Variants in CDH20 observed in about 807,000 individuals in gnomAD.
The protein encoded by CDH20 is cadherin-20.
CDH20 carries 29 observed loss-of-function variants against 74.2 expected under a neutral mutation model. The observed-to-expected ratio is 0.39, with a 90% CI of 0.29 to 0.53. CDH20 has a LOEUF of 0.53. Ranked by LOEUF, CDH20 falls within the 20% of genes least tolerant of loss-of-function variation. The probability of loss-of-function intolerance (pLI) is 0.69; values close to 1 mark genes in which losing one functional copy is unlikely to be tolerated. For synonymous variants in CDH20, 469 were observed against 405.4 expected (o/e 1.16, Z -1.88); for missense variants, 988 against 1,048.3 (o/e 0.94, Z 0.79).
chr18:61,422,701 C>T (rs959565189), intron 1 of CDH20, among the ~76,000 whole-genome samples: 1 of 151,468 alleles, frequency 6.6e-6, no homozygotes, highest in Admixed American at 6.6e-5. Context: ...AAAAATTACT[C>T]ACAGTATACA....
chr18:61,432,078 C>G (rs1273299639), intron 1 of CDH20, among the ~76,000 whole-genome samples: 8 of 151,792 alleles, frequency 5.3e-5, no homozygotes, highest in African/African-American at 1.9e-4. Flanking sequence ...AACCCCATCT[C>G]TACTAAAAAT....
chr18:61,431,501 T>C (rs890989669), intron 1 of CDH20, among the ~76,000 whole-genome samples: 2 of 152,196 alleles, frequency 1.3e-5, no homozygotes, highest in African/African-American at 2.4e-5. Flanking sequence ...ATTTGTTCAT[T>C]GGTTCTAATG....
chr18:61,475,704 G>C (rs1910351622), intron 1 of CDH20, among the ~76,000 whole-genome samples: 1 of 152,154 alleles, frequency 6.6e-6, no homozygotes, highest in Non-Finnish European at 1.5e-5. Flanking sequence ...TTGCACTAAA[G>C]TGGAAAATGA....
chr18:61,338,486 T>C (rs1025733555), intron 1 of CDH20, among the ~76,000 whole-genome samples: 1 of 152,132 alleles, frequency 6.6e-6, no homozygotes, highest in African/African-American at 2.4e-5. Context: ...AAAATAGAAA[T>C]GATCCAATTC....
chr18:61,496,973 A>G (rs1911188196), intron 2 of CDH20, among the ~76,000 whole-genome samples: 1 of 152,092 alleles, frequency 6.6e-6, no homozygotes, highest in African/African-American at 2.4e-5. Flanking sequence ...CACAGGTCCA[A>G]ATGGAATAGA....
intron 7 of CDH20, among the ~76,000 whole-genome samples, chr18:61,534,055 C>A (rs1040962039): frequency 5.3e-5 from 8 of 151,818 alleles, no homozygotes; most frequent in African/African-American, 1.9e-4. Flanking sequence ...GACAAATGAC[C>A]CTGTTAAAAA....
intron 1 of CDH20, among the ~76,000 whole-genome samples, chr18:61,456,419 T>G (rs1465717842): frequency 6.6e-6 from 1 of 152,168 alleles, no homozygotes; most frequent in Non-Finnish European, 1.5e-5. Context: ...ATTTGGCAGT[T>G]AAAACCTACA....
At chr18:61,485,582 A>G (rs899205466) in intron 1 of CDH20, among the ~76,000 whole-genome samples, 1 of 152,180 alleles carries the variant, frequency 6.6e-6, no homozygotes, top group African/African-American at 2.4e-5. Context: ...TCTGTAGTAA[A>G]TGAAAATTAA....
chr18:61,445,323 T>C (rs1201618734), intron 1 of CDH20, among the ~76,000 whole-genome samples: 1 of 152,006 alleles, frequency 6.6e-6, no homozygotes, highest in East Asian at 1.9e-4. Context: ...AATCCACAAA[T>C]CAGAGAAGTT....
intron 1 of CDH20, among the ~76,000 whole-genome samples, chr18:61,341,793 T>C (rs1909960837): frequency 6.6e-6 from 1 of 152,200 alleles, no homozygotes; most frequent in Non-Finnish European, 1.5e-5. Flanking sequence ...TGTGCTACCA[T>C]TAATATCAAA....
At chr18:61,417,443 T>C (rs1568131162) in intron 1 of CDH20, among the ~76,000 whole-genome samples, 2 of 151,840 alleles carry the variant, frequency 1.3e-5, no homozygotes, top group Non-Finnish European at 2.9e-5. Context: ...TACAACAGAA[T>C]AGTATTCAGT....
chr18:61,513,152 G>C (rs941169479), intron 6 of CDH20, among the ~76,000 whole-genome samples: 2 of 147,748 alleles, frequency 1.4e-5, no homozygotes, highest in Non-Finnish European at 3.0e-5. Context: ...CTCTTTGTAG[G>C]TCACTCAGGA....
chr18:61,447,477 C>T (rs1026683420), intron 1 of CDH20, among the ~76,000 whole-genome samples: 3 of 152,140 alleles, frequency 2.0e-5, no homozygotes, highest in African/African-American at 7.2e-5. Flanking sequence ...AAATACAATA[C>T]ACAAAGAGAT....
intron 9 of CDH20, among the ~76,000 whole-genome samples, chr18:61,540,114 T>A (rs1193646145): frequency 6.6e-6 from 1 of 152,148 alleles, no homozygotes; most frequent in Non-Finnish European, 1.5e-5. Context: ...TGCTCCTGCT[T>A]TTGTAAGATG....
In CDH20 at chr18:61,488,508, G is replaced by A. The variant is rs1207018356; in HGVS notation, c.-152-1894G>A. Among the ~76,000 whole-genome samples, 17 of 152,140 alleles carry A rather than the reference G, an allele frequency of 1.1e-4. 2 individuals carry two copies. The highest frequency in any genetic ancestry group is 1.1e-3 in the Admixed American group (17 of 15,278). On this transcript the variant is annotated intron_variant, in intron 1 of 11. Transcript: ENST00000262717. Reference sequence around the variant, plus strand: ...ACTCTTGTGATGGTCCAGTGAGGTAGGTGGGAGAATTATTGGCCCTGCTTA... The same window carrying A: ...ACTCTTGTGATGGTCCAGTGAGGTAAGTGGGAGAATTATTGGCCCTGCTTA...
intron 9 of CDH20, 62 bp from the exon 10 acceptor site, chr18:61,544,964 TA>T: frequency 1.8e-6 from 2 of 1,093,308 alleles, no homozygotes; most frequent in Non-Finnish European, 2.8e-6. Flanking sequence ...GTTTGGGATT[TA>T]ACTGGGCCCT....
chr18:61,423,383 C>G (rs1397099531), intron 1 of CDH20, among the ~76,000 whole-genome samples: 1 of 147,232 alleles, frequency 6.8e-6, no homozygotes, highest in Non-Finnish European at 1.6e-5. Flanking sequence ...GGACTCATGC[C>G]TTCTTGTAAA....
intron 1 of CDH20, among the ~76,000 whole-genome samples, chr18:61,393,822 G>A (rs1911873055): frequency 6.6e-6 from 1 of 152,022 alleles, no homozygotes; most frequent in African/African-American, 2.4e-5. Context: ...ATAGAAAATG[G>A]GGCTGGATGT....
chr18:61,334,405 C>T (rs1879175313), intron 1 of CDH20: 1 of 152,446 alleles, frequency 6.6e-6, no homozygotes, highest in African/African-American at 2.4e-5. Flanking sequence ...GTGGTGGGTA[C>T]TCGAGTCCCC....
Sources: allele counts gnomAD v4.1 joint callset (sites outside exome capture counted in the v4.1 genomes callset), GRCh38; gene constraint gnomAD v4.1.1; transcripts MANE v1.5; gene names NCBI Gene and HGNC (gene_info 2026-07-23, HGNC 2026-07-21).